The following EYS variants were observed in gnomAD, a reference collection of about 807,000 sequenced individuals.
EYS encodes protein eyes shut homolog.
A neutral mutation model predicts 282.1 loss-of-function variants in EYS; 250 were observed. The observed-to-expected ratio is 0.89, with a 90% CI of 0.80 to 0.98. The LOEUF is 0.98. EYS is among the 50% of genes least tolerant of loss of function. The pLI is 0.00. For missense variants in EYS, 4,016 were observed against 3,709.0 expected (o/e 1.08, Z -2.15); for synonymous variants, 1,355 against 1,282.9 (o/e 1.06, Z -1.20).
chr6:65,336,837 G>C (rs577025044), intron 10 of EYS, among the ~76,000 whole-genome samples: 1 of 151,532 alleles, frequency 6.6e-6, no homozygotes, highest in South Asian at 2.1e-4. Flanking sequence ...TTCACCTGAT[G>C]GTTAGGTAAA....
chr6:65,228,611 A>G (rs1766689777), intron 12 of EYS, among the ~76,000 whole-genome samples: 1 of 152,058 alleles, frequency 6.6e-6, no homozygotes, highest in Non-Finnish European at 1.5e-5. Flanking sequence ...TTAATTCTCC[A>G]CAAATTGATC....
chr6:64,247,835 A>C (rs1300067017), intron 30 of EYS, among the ~76,000 whole-genome samples: 1 of 152,200 alleles, frequency 6.6e-6, no homozygotes, highest in Non-Finnish European at 1.5e-5. Context: ...CAAGGTAAAT[A>C]TTTGTATGGT....
At chr6:64,500,941 G>A (rs138755071) in intron 26 of EYS, among the ~76,000 whole-genome samples, 2,506 of 151,064 alleles carry the variant, frequency 0.017, 23 homozygotes, top group South Asian at 0.036. Flanking sequence ...TACTTATTAC[G>A]TTTGCTAAAA....
At chr6:65,076,386 T>A (rs1030726451) in intron 12 of EYS, among the ~76,000 whole-genome samples, 1 of 152,016 alleles carries the variant, frequency 6.6e-6, no homozygotes, top group Non-Finnish European at 1.5e-5. Context: ...AAATTACATA[T>A]GTCCATTAAA....
chr6:63,907,831 C>T (rs1773813278), intron 35 of EYS, among the ~76,000 whole-genome samples: 1 of 151,912 alleles, frequency 6.6e-6, no homozygotes, highest in Non-Finnish European at 1.5e-5. Context: ...CATGTGTATA[C>T]ATTATTTAGC....
chr6:65,470,595 C>A (rs1458409227), intron 5 of EYS, among the ~76,000 whole-genome samples: 1 of 151,992 alleles, frequency 6.6e-6, no homozygotes, highest in Non-Finnish European at 1.5e-5. Flanking sequence ...CACATTTAAA[C>A]GTTAAATGAT....
intron 2 of EYS, among the ~76,000 whole-genome samples, chr6:65,628,615 G>A (rs1291778575): frequency 6.6e-6 from 1 of 151,958 alleles, no homozygotes; most frequent in African/African-American, 2.4e-5. Flanking sequence ...AAGACCAGGA[G>A]CCCACCGGGA....
chr6:64,025,894 C>CT (rs1169537523), intron 33 of EYS, among the ~76,000 whole-genome samples: 1 of 152,204 alleles, frequency 6.6e-6, no homozygotes, highest in Non-Finnish European at 1.5e-5. Context: ...CAGGAGAATG[C>CT]TTAGGACTCT....
At chr6:63,829,777 C>T (rs1771575164) in intron 36 of EYS, among the ~76,000 whole-genome samples, 1 of 152,248 alleles carries the variant, frequency 6.6e-6, no homozygotes, top group African/African-American at 2.4e-5. Flanking sequence ...AAGTGGGTCA[C>T]TGACCCCTGA....
At chr6:65,003,503 T>A (rs892545227) in intron 13 of EYS, among the ~76,000 whole-genome samples, 2 of 147,520 alleles carry the variant, frequency 1.4e-5, no homozygotes, top group African/African-American at 4.9e-5. Flanking sequence ...ACTTGCCTTG[T>A]GATATTCTAT....
chr6:64,716,768 T>A (rs1032414903), intron 22 of EYS, among the ~76,000 whole-genome samples: 1 of 152,100 alleles, frequency 6.6e-6, no homozygotes, highest in African/African-American at 2.4e-5. Context: ...ACGTTGATAT[T>A]TTTTTTTCTT....
intron 29 of EYS, among the ~76,000 whole-genome samples, chr6:64,387,731 A>T (rs1772960330): frequency 6.6e-6 from 1 of 152,154 alleles, no homozygotes; most frequent in Non-Finnish European, 1.5e-5. Context: ...CTGTTTAATG[A>T]TCAATAAACA....
intron 21 of EYS, among the ~76,000 whole-genome samples, chr6:64,819,357 A>T (rs1351657143): frequency 1.3e-5 from 2 of 152,144 alleles, no homozygotes; most frequent in Non-Finnish European, 2.9e-5. Context: ...ACAAAATTTT[A>T]AAAAATGTAT....
intron 5 of EYS, among the ~76,000 whole-genome samples, chr6:65,443,214 T>A (rs1324962269): frequency 1.3e-5 from 2 of 151,666 alleles, no homozygotes; most frequent in Non-Finnish European, 3.0e-5. Context: ...TATGTATGCA[T>A]CATATACACA....
chr6:64,696,670 CATACTGGCCAGAA>C (rs1252052007), intron 22 of EYS, among the ~76,000 whole-genome samples: 1 of 152,054 alleles, frequency 6.6e-6, no homozygotes, highest in East Asian at 1.9e-4. Flanking sequence ...CAGCAGAAGC[CATACTGGCCAGAA>C]ATAATTATAT....
chr6:64,585,138 A>G (rs1361865072), intron 26 of EYS, among the ~76,000 whole-genome samples: 1 of 152,148 alleles, frequency 6.6e-6, no homozygotes, highest in Non-Finnish European at 1.5e-5. Context: ...CTACACAGCC[A>G]TAAAAAGAAC....
chr6:64,442,947 T>A (rs2150469547), intron 26 of EYS, among the ~76,000 whole-genome samples: 1 of 141,266 alleles, frequency 7.1e-6, no homozygotes, highest in African/African-American at 2.6e-5. Context: ...ACTGGGGCAC[T>A]GCCTAGTGGA....
intron 12 of EYS, among the ~76,000 whole-genome samples, chr6:65,099,454 G>T (rs750978832): frequency 8.6e-5 from 13 of 150,648 alleles, no homozygotes; most frequent in Non-Finnish European, 1.6e-4. Flanking sequence ...TTCAAATAGA[G>T]AGAAGAATAA....
At chr6:64,770,862 A>G (rs1005442589) in intron 22 of EYS, among the ~76,000 whole-genome samples, 1 of 151,878 alleles carries the variant, frequency 6.6e-6, no homozygotes, top group Non-Finnish European at 1.5e-5. Context: ...ACTTCCTTCT[A>G]CAGCACAGCA....
Sources: gnomAD v4.1 joint callset for allele counts (sites outside exome capture counted in the v4.1 genomes callset) on GRCh38, gnomAD v4.1.1 for gene constraint, MANE v1.5 for transcripts, NCBI Gene and HGNC (gene_info 2026-07-23, HGNC 2026-07-21) for gene names.